Variants in GALNT13 observed in about 807,000 individuals in gnomAD.
The protein encoded by GALNT13 is polypeptide N-acetylgalactosaminyltransferase 13, also known as UDP-GalNAc:polypeptide N-acetylgalactosaminyltransferase 13.
A neutral mutation model predicts 64.2 loss-of-function variants in GALNT13; 28 were observed. The ratio of observed to expected loss-of-function variants is 0.44; its 90% CI spans 0.32 to 0.60. GALNT13 has a LOEUF of 0.60. Ranked by LOEUF, GALNT13 falls within the 20% of genes least tolerant of loss-of-function variation. The probability of loss-of-function intolerance (pLI) is 0.05; values close to 1 mark genes in which losing one functional copy is unlikely to be tolerated. For synonymous variants in GALNT13, 214 were observed against 224.6 expected (o/e 0.95, Z 0.42); for missense variants, 577 against 669.8 (o/e 0.86, Z 1.53).
intron 11 of GALNT13, among the ~76,000 whole-genome samples, chr2:154,417,849 A>G (rs536320378): frequency 6.6e-6 from 1 of 152,014 alleles, no homozygotes; most frequent in Non-Finnish European, 1.5e-5. Flanking sequence ...ATCTAGTCGC[A>G]CTTCAAAACC....
At chr2:153,835,891 A>G in the GALNT13 span, among the ~76,000 whole-genome samples, 1 of 152,090 alleles carries the variant, frequency 6.6e-6, no homozygotes, top group Non-Finnish European at 1.5e-5. Context: ...ATTGAATATC[A>G]GATTACTCTT....
the GALNT13 span, among the ~76,000 whole-genome samples, chr2:153,412,919 A>T: frequency 6.6e-6 from 1 of 152,208 alleles, no homozygotes; most frequent in East Asian, 1.9e-4. Context: ...AGCAGAAATC[A>T]CATGGCCCAC....
At chr2:153,164,639 A>C in the GALNT13 span, among the ~76,000 whole-genome samples, 16 of 151,882 alleles carry the variant, frequency 1.1e-4, no homozygotes, top group Non-Finnish European at 1.8e-4. Flanking sequence ...ATCTCCAAAA[A>C]TTTTCTTGTG....
At chr2:153,486,864 T>A in the GALNT13 span, among the ~76,000 whole-genome samples, 1 of 152,198 alleles carries the variant, frequency 6.6e-6, no homozygotes. Flanking sequence ...AAAAAGCCAC[T>A]GAACTGCTTA....
At chr2:153,633,931 T>G in the GALNT13 span, among the ~76,000 whole-genome samples, 1 of 152,206 alleles carries the variant, frequency 6.6e-6, no homozygotes, top group Non-Finnish European at 1.5e-5. Flanking sequence ...TTTAATAATT[T>G]CCGATGTCTG....
chr2:154,134,204 C>G (rs1682817981), intron 3 of GALNT13, among the ~76,000 whole-genome samples: 1 of 151,950 alleles, frequency 6.6e-6, no homozygotes, highest in Non-Finnish European at 1.5e-5. Context: ...TGTGTGATAA[C>G]ATGCAAAAAA....
chr2:153,124,804 C>G, the GALNT13 span, among the ~76,000 whole-genome samples: 6 of 152,036 alleles, frequency 3.9e-5, no homozygotes, highest in Non-Finnish European at 5.9e-5. Flanking sequence ...GCCCAGCCAG[C>G]TTGCTTTGTT....
At chr2:154,045,669 C>T (rs919702198) in intron 3 of GALNT13, among the ~76,000 whole-genome samples, 12 of 152,202 alleles carry the variant, frequency 7.9e-5, no homozygotes, top group Non-Finnish European at 1.5e-4. Flanking sequence ...CAGGGAGAAG[C>T]AGCCCCTAAA....
the GALNT13 span, among the ~76,000 whole-genome samples, chr2:153,181,616 A>T: frequency 7.5e-5 from 11 of 146,824 alleles, no homozygotes; most frequent in Admixed American, 5.5e-4. Context: ...ATATTTATAT[A>T]AATATAATTT....
chr2:153,761,661 A>G, the GALNT13 span: 1 of 152,634 alleles, frequency 6.6e-6, no homozygotes, highest in African/African-American at 2.4e-5. Flanking sequence ...CATTCTCAGG[A>G]AAGTTTACCT....
chr2:153,992,477 A>G (rs926471090), intron 3 of GALNT13, among the ~76,000 whole-genome samples: 1 of 152,170 alleles, frequency 6.6e-6, no homozygotes, highest in Non-Finnish European at 1.5e-5. Flanking sequence ...ATGGAACAGG[A>G]CCGAGTAATT....
At chr2:153,812,412 A>C in the GALNT13 span, among the ~76,000 whole-genome samples, 1 of 152,158 alleles carries the variant, frequency 6.6e-6, no homozygotes, top group Non-Finnish European at 1.5e-5. Context: ...AAAATATATG[A>C]TAAATATGGA....
At chr2:153,246,330 C>G in the GALNT13 span, among the ~76,000 whole-genome samples, 3 of 151,978 alleles carry the variant, frequency 2.0e-5, no homozygotes, top group African/African-American at 7.2e-5. Context: ...AGAGATCAAG[C>G]CCAAGACACA....
chr2:153,282,541 A>G, the GALNT13 span, among the ~76,000 whole-genome samples: 2 of 152,046 alleles, frequency 1.3e-5, no homozygotes, highest in Non-Finnish European at 2.9e-5. Context: ...CAGCCTCCCA[A>G]CTACCTGGGA....
chr2:153,999,654 C>G (rs1269984359), intron 3 of GALNT13, among the ~76,000 whole-genome samples: 1 of 151,998 alleles, frequency 6.6e-6, no homozygotes, highest in Admixed American at 6.6e-5. Flanking sequence ...CCTTTCATCC[C>G]TGGGATGAAT....
At chr2:154,446,662 A>G in intron 12 of GALNT13, 8 of 1,548,822 alleles carry the variant, frequency 5.2e-6, no homozygotes, top group Non-Finnish European at 7.0e-6. Context: ...ACCTGTAATG[A>G]TAGCACTTTG....
At chr2:153,429,515 T>C in the GALNT13 span, among the ~76,000 whole-genome samples, 1 of 152,246 alleles carries the variant, frequency 6.6e-6, no homozygotes, top group African/African-American at 2.4e-5. Context: ...GAAAAGTAAC[T>C]TTTCATAGAG....
chr2:153,213,975 T>G, the GALNT13 span, among the ~76,000 whole-genome samples: 1 of 152,186 alleles, frequency 6.6e-6, no homozygotes, highest in East Asian at 1.9e-4. Flanking sequence ...CCAGAGCCAT[T>G]CTTATGCAAC....
intron 8 of GALNT13, among the ~76,000 whole-genome samples, chr2:154,282,085 G>T (rs112946591): frequency 6.6e-6 from 1 of 152,092 alleles, no homozygotes; most frequent in South Asian, 2.1e-4. Context: ...ACATTGGTGG[G>T]ATAAATACAT....
Sources: gnomAD v4.1 joint callset for allele counts (sites outside exome capture counted in the v4.1 genomes callset) on GRCh38, gnomAD v4.1.1 for gene constraint, MANE v1.5 for transcripts, NCBI Gene and HGNC (gene_info 2026-07-23, HGNC 2026-07-21) for gene names.